MYO9A: variants seen among roughly 807,000 people sequenced by gnomAD.
The protein encoded by MYO9A is myosin IXA.
In MYO9A, 103 loss-of-function variants were observed where a neutral mutation model predicts 293.3. The observed-to-expected ratio is 0.35, with a 90% CI of 0.30 to 0.41. The LOEUF is 0.41. MYO9A is among the 10% of genes least tolerant of loss of function. The pLI is 1.00. For synonymous variants in MYO9A, 1,001 were observed against 1,035.7 expected, an observed-to-expected ratio of 0.97 and a Z score of 0.64; for missense variants, 2,685 against 3,033.0, an observed-to-expected ratio of 0.89 and a Z score of 2.69.
At chr15:71,902,398 T>C (rs981695) in intron 22 of MYO9A, among the ~76,000 whole-genome samples, 141,054 of 152,036 alleles carry the variant, frequency 0.93, 65,757 homozygotes, top group Non-Finnish European at 0.97. Context: ...ATGACAAATA[T>C]ACTAGAATCA....
chr15:72,101,224 C>A (rs551487682), intron 1 of MYO9A, among the ~76,000 whole-genome samples: 21 of 135,184 alleles, frequency 1.6e-4, no homozygotes, highest in Admixed American at 1.2e-3. Context: ...CGGCCAGCCG[C>A]CCCGTCCGGG....
At chr15:71,911,238 A>C (rs1010437909) in intron 19 of MYO9A, among the ~76,000 whole-genome samples, 2 of 152,222 alleles carry the variant, frequency 1.3e-5, no homozygotes, top group African/African-American at 4.8e-5. Context: ...ATATGTTCAG[A>C]GAATATCAGC....
intron 8 of MYO9A, among the ~76,000 whole-genome samples, chr15:72,004,633 C>G (rs915465412): frequency 1.3e-5 from 2 of 152,112 alleles, no homozygotes; most frequent in Non-Finnish European, 2.9e-5. Flanking sequence ...ATACATAAAC[C>G]TGATAAAAAC....
Position 72,000,043 on chromosome 15 carries a change from C to T in MYO9A, c.1381-103G>A, listed in dbSNP as rs901734170. On this transcript the variant is annotated intron_variant, in intron 8 of 41. Transcript: ENST00000356056. ...AGGAGGAAAAGCTTAATGAGATTAG[C>T]AATTACATAGCAGAGAAAAAAGGCA... is the stretch of plus-strand genomic sequence containing the variant. 5.3e-4 allele frequency: 434 copies of T among 820,900 alleles called. 1 individual carries two copies. The highest frequency in any genetic ancestry group is 5.8e-4 in the Non-Finnish European group (314 of 543,656). 50.9% of individuals were successfully genotyped at this position (820,900 alleles called of 1,614,324 possible).
chr15:72,100,611 C>T (rs1174444512), intron 1 of MYO9A, among the ~76,000 whole-genome samples: 7 of 151,368 alleles, frequency 4.6e-5, no homozygotes, highest in African/African-American at 1.2e-4. Flanking sequence ...TCTGCCCCGC[C>T]GCCCCGTCTG....
At chr15:71,864,421 C>T (rs746744322) in intron 32 of MYO9A, among the ~76,000 whole-genome samples, 1 of 152,158 alleles carries the variant, frequency 6.6e-6, no homozygotes, top group Non-Finnish European at 1.5e-5. Flanking sequence ...AACAGCATGG[C>T]AGTTTCTGAA....
intron 33 of MYO9A, among the ~76,000 whole-genome samples, chr15:71,860,913 G>C (rs532710377): frequency 1.5e-5 from 2 of 132,416 alleles, no homozygotes. Flanking sequence ...GCTGCAGTGA[G>C]CTGAGATTGT....
In MYO9A at chr15:72,045,871, C is replaced by G. The variant is rs771619236; in HGVS notation, c.693G>C (p.Lys231Asn). Residue 231 changes from lysine (K) to asparagine (N), a missense_variant, in exon 2 of 42, where the codon AAG becomes AAC. Around this residue, in one of 10 missense-constraint regions of MYO9A, gnomAD observed 289 missense variants for 456.8 expected, o/e 0.63. Coordinates refer to ENST00000356056, the MANE Select transcript of MYO9A (RefSeq NM_006901.4). ...VAYHAMLQRKKNQCIVISGES... is the reference protein window; with the variant it reads ...VAYHAMLQRKNNQCIVISGES... ...CTCCTGAAATCACGATGCACTGATTCTTTTTGCGCTGAAGCATGGCATGAT... is the reference window on the plus strand; with the variant it reads ...CTCCTGAAATCACGATGCACTGATTGTTTTTGCGCTGAAGCATGGCATGAT... 4.3e-6 allele frequency: 7 copies of G among 1,613,948 alleles called. No homozygotes were observed. The highest frequency in any genetic ancestry group is 5.9e-6 in the Non-Finnish European group (7 of 1,180,030).
intron 4 of MYO9A, among the ~76,000 whole-genome samples, chr15:72,024,869 A>G (rs1207080490): frequency 6.6e-6 from 1 of 152,210 alleles, no homozygotes; most frequent in Non-Finnish European, 1.5e-5. Flanking sequence ...GGTACACTAG[A>G]AAACATTTAT....
At chr15:71,934,439 C>G (rs1168699849) in intron 17 of MYO9A, among the ~76,000 whole-genome samples, 1 of 151,990 alleles carries the variant, frequency 6.6e-6, no homozygotes, top group African/African-American at 2.4e-5. Flanking sequence ...TATCTCTGGG[C>G]TAGAGCAAGA....
At chr15:71,922,611 T>C (rs2058185201) in intron 18 of MYO9A, among the ~76,000 whole-genome samples, 1 of 152,178 alleles carries the variant, frequency 6.6e-6, no homozygotes, top group Non-Finnish European at 1.5e-5. Context: ...TTTCCCACCC[T>C]TATACCCCAA....
chr15:71,953,348 G>GT (rs1193106756), intron 14 of MYO9A, among the ~76,000 whole-genome samples: 1 of 152,200 alleles, frequency 6.6e-6, no homozygotes, highest in Non-Finnish European at 1.5e-5. Flanking sequence ...AAAACACCCA[G>GT]TGAGTTCTAG....
intron 1 of MYO9A, among the ~76,000 whole-genome samples, chr15:72,068,701 G>C (rs993126174): frequency 1.7e-4 from 26 of 151,876 alleles, no homozygotes; most frequent in Middle Eastern, 3.4e-3. Flanking sequence ...TAGTCTTGAA[G>C]CCTGGGATCA....
At chr15:71,998,989 A>G (rs1435667484) in intron 9 of MYO9A, 1 of 152,184 alleles carries the variant, frequency 6.6e-6, no homozygotes, top group Non-Finnish European at 1.5e-5. Flanking sequence ...TGTCCAACAA[A>G]GATTTGGCTT....
chr15:72,048,606 C>A (rs1326158589), intron 1 of MYO9A, among the ~76,000 whole-genome samples: 2 of 151,990 alleles, frequency 1.3e-5, no homozygotes, highest in African/African-American at 4.8e-5. Context: ...TTTTTCCACC[C>A]CTGAACCTCT....
In MYO9A at chr15:71,864,034, A is replaced by G. The variant is rs200292868; in HGVS notation, c.5980-1423T>C. ...AGACACCATTAAGAAAAAAAGATAA[A>G]CCACAGACTCGGAGAAAACATTTGC... On this transcript the variant is annotated intron_variant, in intron 32 of 41. Coordinates refer to ENST00000356056, the MANE Select transcript of MYO9A (RefSeq NM_006901.4). 7.2e-5 allele frequency among the ~76,000 whole-genome samples: 11 copies of G among 152,336 alleles called. No homozygotes were observed. In the East Asian group the frequency reaches 2.1e-3, roughly 29 times the overall value.
rs576297084 is a variant in MYO9A, at chr15:71,912,929, T to C, written c.2685+3441A>G. ...TTTAAGATGCTCTCTTTTTAACTGG[T>C]TTTAGCAATTTGATATAATGTGTCT... On this transcript the variant is annotated intron_variant, in intron 19 of 41. Coordinates refer to ENST00000356056, the MANE Select transcript of MYO9A (RefSeq NM_006901.4). Among the ~76,000 whole-genome samples the C allele has an allele frequency of 3.9e-5, 6 of 152,232 alleles. No individual in the cohort carries two copies. In the South Asian group the frequency reaches 1.2e-3, roughly 32 times the overall value.
In MYO9A at chr15:71,825,625, AGTCTGT is replaced by A. The variant is rs1187506075; in HGVS notation, c.*949_*954del. 1.3e-5 allele frequency: 2 copies of A among 152,140 alleles called. No individual in the cohort carries two copies. The highest frequency in any genetic ancestry group is 4.8e-5 in the African/African-American group (2 of 41,430). The allele number at this position is 152,140 out of a possible 1,614,324, so 9.4% of individuals were successfully genotyped here. ...TTATTTGTTTGTTTGTTTGAGTCTGAGTCTGTGGTGGGAATCCACCAGCAGATGAAC... is the reference window on the plus strand; with the variant it reads ...TTATTTGTTTGTTTGTTTGAGTCTGAGGTGGGAATCCACCAGCAGATGAAC... On this transcript the variant is annotated 3_prime_UTR_variant, in exon 42 of 42. Coordinates refer to ENST00000356056, the MANE Select transcript of MYO9A (RefSeq NM_006901.4).
At chr15:71,920,514 G>A (rs1264188561) in intron 18 of MYO9A, among the ~76,000 whole-genome samples, 1 of 152,044 alleles carries the variant, frequency 6.6e-6, no homozygotes, top group East Asian at 1.9e-4. Context: ...CTGAAAACTT[G>A]ATTTTGAAAT....
Sources: gnomAD v4.1 joint callset for allele counts (sites outside exome capture counted in the v4.1 genomes callset) on GRCh38, gnomAD v4.1.1 for gene constraint, gnomAD v4.1.1 regional missense constraint, MANE v1.5 for transcripts, NCBI Gene and HGNC (gene_info 2026-07-23, HGNC 2026-07-21) for gene names.